ZNF337: variants seen among roughly 807,000 people sequenced by gnomAD.
The protein encoded by ZNF337 is zinc finger protein 337.
ZNF337 carries 8 observed loss-of-function variants against 12.1 expected under a neutral mutation model. The observed-to-expected ratio is 0.66, with a 90% CI of 0.39 to 1.19. The LOEUF is 1.19. Among genes scored for constraint, ZNF337 ranks in the 50% most tolerant of loss-of-function variants. The pLI is 0.01. For synonymous variants in ZNF337, 336 were observed against 320.0 expected, an observed-to-expected ratio of 1.05 and a Z score of -0.53; for missense variants, 882 against 896.6, an observed-to-expected ratio of 0.98 and a Z score of 0.21.
intron 4 of ZNF337, among the ~76,000 whole-genome samples, chr20:25,683,425 G>A (rs997025678): frequency 6.6e-6 from 1 of 151,182 alleles, no homozygotes; most frequent in Non-Finnish European, 1.5e-5. Context: ...AACATTAAAC[G>A]ACAAGGAAAA....
At position 25,675,505 on chromosome 20, in the gene ZNF337, AGT is replaced by A; in HGVS notation, c.1781_1782del (p.His594LeufsTer9). On this transcript the variant is annotated frameshift_variant, in exon 5 of 5. Coordinates refer to ENST00000252979, the MANE Select transcript of ZNF337 (RefSeq NM_015655.4). LOFTEE classifies it low-confidence loss of function (END_TRUNC). ...KSTLLFHQKT[H>X]SGEKPFICSE... ...CTACAGATGAAAGGCTTCTCCCCTG[AGT>A]GTGTCTTCTGGTGGAAGAGGAGAGT... The A allele has an allele frequency of 6.2e-7, 1 of 1,614,204 alleles. No homozygotes were observed.
chr20:25,694,048 T>C (rs1038886154), intron 1 of ZNF337, among the ~76,000 whole-genome samples: 42 of 152,326 alleles, frequency 2.8e-4, no homozygotes, highest in African/African-American at 1.0e-3. Flanking sequence ...CAACAGACCC[T>C]GTCCTGACAT....
Position 25,688,043 on chromosome 20 carries a change from C to T in ZNF337, c.-49-1577G>A, listed in dbSNP as rs144167390. 1.6e-3 allele frequency among the ~76,000 whole-genome samples: 243 copies of T among 152,292 alleles called. 1 individual carries two copies. The highest frequency in any genetic ancestry group is 5.4e-3 in the African/African-American group (225 of 41,556). ...AAAACAGTGAAATTTCTTCCTCTGACGGCAGTTGAAAGGTGATTTAAAACA... is the reference window on the plus strand; with the variant it reads ...AAAACAGTGAAATTTCTTCCTCTGATGGCAGTTGAAAGGTGATTTAAAACA... On this transcript the variant is annotated intron_variant, in intron 1 of 4. Coordinates refer to ENST00000252979, the MANE Select transcript of ZNF337 (RefSeq NM_015655.4).
chr20:25,681,041 A>G (rs1022667636), intron 4 of ZNF337: 9 of 152,134 alleles, frequency 5.9e-5, no homozygotes, highest in African/African-American at 2.2e-4. Flanking sequence ...TTAACCCCCA[A>G]TGTGATGGTA....
intron 1 of ZNF337, among the ~76,000 whole-genome samples, chr20:25,694,727 T>C (rs956160768): frequency 2.0e-5 from 3 of 152,260 alleles, no homozygotes; most frequent in African/African-American, 7.2e-5. Flanking sequence ...ATGAGTTTTA[T>C]TACTCTTATA....
intron 1 of ZNF337, among the ~76,000 whole-genome samples, chr20:25,689,069 A>G (rs1005577251): frequency 6.6e-6 from 1 of 151,062 alleles, no homozygotes; most frequent in Non-Finnish European, 1.5e-5. Context: ...CCCGGGAGGC[A>G]GAGCTTGCAG....
At position 25,675,955 on chromosome 20, in the gene ZNF337, A is replaced by T; in HGVS notation, c.1333T>A (p.Ser445Thr). 1 of 1,612,950 alleles carries T rather than the reference A, an allele frequency of 6.2e-7. No homozygotes were observed. The highest frequency in any genetic ancestry group is 1.1e-5 in the South Asian group (1 of 91,046). ...GTGATCTGATGTTTCACAAGGGTTG[A>T]CTTCTGAATAAATCCTTGCCCACAT... is the stretch of plus-strand genomic sequence containing the variant. Reference protein sequence around the residue: ...RECGQGFIQKSTLVKHQITHS... With the variant: ...RECGQGFIQKTTLVKHQITHS... Residue 445 changes from serine to threonine, a missense_variant, in exon 5 of 5, where the codon TCA (serine) becomes ACA (threonine). Physicochemically the swap from Ser to Thr is moderately conservative, Grantham distance 58. Coordinates refer to ENST00000252979, the MANE Select transcript of ZNF337 (RefSeq NM_015655.4).
At chr20:25,681,494 TCAA>T (rs1185479111) in intron 4 of ZNF337, among the ~76,000 whole-genome samples, 1 of 151,752 alleles carries the variant, frequency 6.6e-6, no homozygotes, top group Admixed American at 6.6e-5. Flanking sequence ...TAGGACAAAG[TCAA>T]CAACAATAAC....
Position 25,676,698 on chromosome 20 carries a change from A to G in ZNF337, c.590T>C (p.Ile197Thr). The change falls in exon 5 of 5, where the codon ATA (isoleucine) becomes ACA (threonine). Residue 197 changes from isoleucine (I) to threonine (T), a missense_variant. Physicochemically the swap from Ile to Thr is moderately conservative, Grantham distance 89. Coordinates refer to ENST00000252979, the MANE Select transcript of ZNF337 (RefSeq NM_015655.4). Reference sequence around the variant, plus strand: ...CTGCCTGGAATGTGCTTTTTTGTGTATGATTACCATCATCTTCCGGCTGAA... The same window carrying G: ...CTGCCTGGAATGTGCTTTTTTGTGTGTGATTACCATCATCTTCCGGCTGAA... ...QDFSRKMMVI[I>T]HKKAHSRQKL... The G allele has an allele frequency of 6.2e-7, 1 of 1,614,196 alleles. No homozygotes were observed. The highest frequency in any genetic ancestry group is 2.2e-5 in the East Asian group (1 of 44,880).
At chr20:25,685,257 A>T (rs2065816651) in intron 4 of ZNF337, among the ~76,000 whole-genome samples, 2 of 152,230 alleles carry the variant, frequency 1.3e-5, no homozygotes, top group African/African-American at 4.8e-5. Flanking sequence ...GAATACCTGG[A>T]CAGTATCAGG....
intron 1 of ZNF337, among the ~76,000 whole-genome samples, chr20:25,692,066 C>T (rs560422726): frequency 6.6e-6 from 1 of 152,244 alleles, no homozygotes; most frequent in East Asian, 1.9e-4. Context: ...CAAGCCTCAG[C>T]ACCTAAGCAA....
At chr20:25,686,339 G>A in intron 2 of ZNF337, 52 bp downstream of exon 2, 1 of 1,551,280 alleles carries the variant, frequency 6.4e-7, no homozygotes, top group African/African-American at 1.4e-5. Flanking sequence ...GGCCAGTGAA[G>A]GAAATGGGCC....
chr20:25,696,461 G>C (rs549625221), intron 1 of ZNF337, among the ~76,000 whole-genome samples: 7 of 152,152 alleles, frequency 4.6e-5, no homozygotes, highest in African/African-American at 1.7e-4. Context: ...AAGAGGACCT[G>C]GGTTGCTCGG....
chr20:25,695,761 G>A (rs1198009340), intron 1 of ZNF337, among the ~76,000 whole-genome samples: 3 of 151,996 alleles, frequency 2.0e-5, no homozygotes, highest in Non-Finnish European at 4.4e-5. Context: ...GTGCTGCCCA[G>A]GCTGCTCTGG....
intron 2 of ZNF337, 29 bp downstream of exon 2, chr20:25,686,360 CAG>C: frequency 6.2e-7 from 1 of 1,600,024 alleles, no homozygotes. Flanking sequence ...CATCCTGTGA[CAG>C]CAAGAACGAC....
At chr20:25,683,572 G>T (rs904973871) in intron 4 of ZNF337, among the ~76,000 whole-genome samples, 9 of 150,462 alleles carry the variant, frequency 6.0e-5, no homozygotes, top group Non-Finnish European at 1.0e-4. Flanking sequence ...CTCCTCAAAA[G>T]AAGACATTTA....
chr20:25,691,538 G>C (rs1330282509), intron 1 of ZNF337, among the ~76,000 whole-genome samples: 1 of 152,176 alleles, frequency 6.6e-6, no homozygotes, highest in Admixed American at 6.5e-5. Flanking sequence ...GGCAGGGGGA[G>C]AGAAGTTAAG....
chr20:25,688,891 G>GT (rs761540059), intron 1 of ZNF337, among the ~76,000 whole-genome samples: 4 of 152,190 alleles, frequency 2.6e-5, no homozygotes, highest in Non-Finnish European at 4.4e-5. Flanking sequence ...CACTTTGGGA[G>GT]GCTGAGGCGG....
At chr20:25,696,091 C>G (rs1393737472) in intron 1 of ZNF337, among the ~76,000 whole-genome samples, 2 of 100,596 alleles carry the variant, frequency 2.0e-5, no homozygotes, top group East Asian at 3.1e-4. Flanking sequence ...CGCAGATCCC[C>G]CCCCCCCCCC....
Sources: allele counts gnomAD v4.1 joint callset (sites outside exome capture counted in the v4.1 genomes callset), GRCh38; gene constraint gnomAD v4.1.1; transcripts MANE v1.5; gene names NCBI Gene and HGNC (gene_info 2026-07-23, HGNC 2026-07-21).